The following ANKS1B variants were observed in gnomAD, a reference collection of about 807,000 sequenced individuals.
ANKS1B encodes the protein ankyrin repeat and sterile alpha motif domain containing 1B.
A neutral mutation model predicts 148.3 loss-of-function variants in ANKS1B; 36 were observed. The ratio of observed to expected loss-of-function variants is 0.24; its 90% confidence interval spans 0.19 to 0.32. ANKS1B has a LOEUF of 0.32. Ranked by LOEUF, ANKS1B falls within the 10% of genes least tolerant of loss-of-function variation. The pLI is 1.00. For missense variants in ANKS1B, 1,157 were observed against 1,542.6 expected (o/e 0.75, Z 4.19); for synonymous variants, 542 against 560.8 (o/e 0.97, Z 0.47).
chr12:99,421,231 C>A (rs954921014), intron 11 of ANKS1B, among the ~76,000 whole-genome samples: 3 of 152,116 alleles, frequency 2.0e-5, no homozygotes, highest in Non-Finnish European at 2.9e-5. Flanking sequence ...TAATAAATGG[C>A]AGAATCACCA....
intron 1 of ANKS1B, among the ~76,000 whole-genome samples, chr12:99,881,382 G>T (rs190916467): frequency 3.4e-4 from 52 of 152,286 alleles, no homozygotes; most frequent in African/African-American, 1.2e-3. Context: ...CTGAAACTTG[G>T]ATAGAAGTGT....
intron 4 of ANKS1B, among the ~76,000 whole-genome samples, chr12:99,789,439 C>T (rs1338949126): frequency 6.6e-6 from 1 of 152,036 alleles, no homozygotes; most frequent in Admixed American, 6.6e-5. Context: ...GAAAACATGA[C>T]CTCACCGAAT....
chr12:99,151,153 G>T (rs2153817870), intron 15 of ANKS1B, among the ~76,000 whole-genome samples: 1 of 152,186 alleles, frequency 6.6e-6, no homozygotes, highest in East Asian at 1.9e-4. Flanking sequence ...TTGTCTTTAA[G>T]ATACAGGGAA....
intron 10 of ANKS1B, among the ~76,000 whole-genome samples, chr12:99,500,888 A>G (rs2096649020): frequency 6.6e-6 from 1 of 152,142 alleles, no homozygotes; most frequent in South Asian, 2.1e-4. Flanking sequence ...TTTGCAGTAT[A>G]TCTTTCAAGT....
At chr12:99,815,431 T>C (rs982887879) in intron 2 of ANKS1B, among the ~76,000 whole-genome samples, 2 of 151,874 alleles carry the variant, frequency 1.3e-5, no homozygotes, top group Non-Finnish European at 2.9e-5. Flanking sequence ...TTTTAAGTTT[T>C]GAAAAATGTA....
chr12:98,877,043 T>C (rs1010385930), intron 17 of ANKS1B, among the ~76,000 whole-genome samples: 2 of 152,226 alleles, frequency 1.3e-5, no homozygotes, highest in African/African-American at 4.8e-5. Context: ...AGATGACATG[T>C]AATTAACCAG....
At chr12:99,877,792 C>G (rs943315335) in intron 1 of ANKS1B, among the ~76,000 whole-genome samples, 2 of 152,152 alleles carry the variant, frequency 1.3e-5, no homozygotes, top group African/African-American at 4.8e-5. Flanking sequence ...AGGTGCTGAC[C>G]ACACCTGTAA....
At chr12:99,639,548 C>T (rs551182822) in intron 9 of ANKS1B, among the ~76,000 whole-genome samples, 1 of 152,210 alleles carries the variant, frequency 6.6e-6, no homozygotes, top group South Asian at 2.1e-4. Flanking sequence ...TTTTAGTTCC[C>T]ACAACCCCCA....
chr12:99,916,905 T>C (rs1440546951), intron 1 of ANKS1B, among the ~76,000 whole-genome samples: 3 of 152,348 alleles, frequency 2.0e-5, no homozygotes, highest in African/African-American at 7.2e-5. Flanking sequence ...TGAGAGTACA[T>C]ATTTGGAAAC....
rs375969961 is a variant in ANKS1B, at chr12:98,751,495, G to A, written c.3607C>T (p.Leu1203=). The part of the protein sequence containing the change: ...VNLAYEIILT[L]GQAFEVAYQL... ...TAAGCGACTTCGAATGCCTGTCCCAGGGTTAGGATGATTTCATAGGCTAAA... is the reference window on the plus strand; with the variant it reads ...TAAGCGACTTCGAATGCCTGTCCCAAGGTTAGGATGATTTCATAGGCTAAA... Residue 1203 remains leucine, a synonymous_variant, in exon 26 of 27, where the codon CTG becomes TTG. Coordinates refer to ENST00000683438, the MANE Select transcript of ANKS1B (RefSeq NM_001352186.2). This position sits in a 1 kb window ranked among gnomAD's most constrained non-coding sequence, Gnocchi z 4.3. The A allele has an allele frequency of 3.7e-6, 6 of 1,613,848 alleles. No homozygotes were observed. In the African/African-American group the frequency reaches 8.0e-5, roughly 22 times the overall value.
At chr12:99,041,832 C>G (rs987784886) in intron 17 of ANKS1B, among the ~76,000 whole-genome samples, 3 of 152,060 alleles carry the variant, frequency 2.0e-5, no homozygotes, top group Non-Finnish European at 4.4e-5. Context: ...GAAACACCGT[C>G]TCTACAAATA....
At chr12:99,673,745 A>C (rs1177626846) in intron 8 of ANKS1B, among the ~76,000 whole-genome samples, 2 of 151,882 alleles carry the variant, frequency 1.3e-5, no homozygotes, top group African/African-American at 4.8e-5. Flanking sequence ...ATGTCATATA[A>C]AGTATAATTC....
At chr12:99,311,467 T>A (rs1238967241) in intron 12 of ANKS1B, among the ~76,000 whole-genome samples, 5 of 152,142 alleles carry the variant, frequency 3.3e-5, no homozygotes, top group Non-Finnish European at 7.4e-5. Flanking sequence ...TTCAGCTTCA[T>A]AAAAACCTTC....
rs933483798 is a variant in ANKS1B at position 99,155,926 on chromosome 12, C to T, written c.2420-1531G>A. On this transcript the variant is annotated intron_variant, in intron 14 of 26. Coordinates refer to ENST00000683438, the MANE Select transcript of ANKS1B (RefSeq NM_001352186.2). ...CTACTCACTGCTCCAGCTCTGCCTT[C>T]GGAGAAGCACAGATTGAGAACAGTG... Among the ~76,000 whole-genome samples, 11 of 152,236 alleles carry T rather than the reference C, an allele frequency of 7.2e-5. No homozygotes were observed. In the East Asian group the frequency reaches 9.7e-4, roughly 13 times the overall value.
chr12:99,155,815 A>G (rs1386692135), intron 14 of ANKS1B, among the ~76,000 whole-genome samples: 1 of 152,112 alleles, frequency 6.6e-6, no homozygotes, highest in East Asian at 1.9e-4. Flanking sequence ...TCCAACTTCT[A>G]CTTGAATACT....
intron 9 of ANKS1B, among the ~76,000 whole-genome samples, chr12:99,641,352 A>G (rs972152324): frequency 6.6e-6 from 1 of 152,208 alleles, no homozygotes; most frequent in African/African-American, 2.4e-5. Context: ...CCAACAAATA[A>G]TAGTCAGGCC....
intron 26 of ANKS1B, among the ~76,000 whole-genome samples, chr12:98,746,123 AG>A (rs2097884795): frequency 6.6e-6 from 1 of 152,072 alleles, no homozygotes; most frequent in Non-Finnish European, 1.5e-5. Context: ...CAGTGCTGAG[AG>A]GTGAGATACG....
At chr12:99,377,430 T>C (rs2093436996) in intron 12 of ANKS1B, among the ~76,000 whole-genome samples, 1 of 152,184 alleles carries the variant, frequency 6.6e-6, no homozygotes, top group Non-Finnish European at 1.5e-5. Context: ...CAGAAAACAT[T>C]GTAGACAGTT....
chr12:99,045,356 C>T (rs548234303), intron 17 of ANKS1B, among the ~76,000 whole-genome samples: 123 of 152,316 alleles, frequency 8.1e-4, no homozygotes, highest in Middle Eastern at 3.4e-3. Context: ...TCAGCTCCTT[C>T]TTCCCTCACA....
Sources: gnomAD v4.1 joint callset for allele counts (sites outside exome capture counted in the v4.1 genomes callset) on GRCh38, gnomAD v4.1.1 for gene constraint, Gnocchi (gnomAD v3.1) non-coding constraint, MANE v1.5 for transcripts, NCBI Gene and HGNC (gene_info 2026-07-23, HGNC 2026-07-21) for gene names.